SPRED1: variants seen among roughly 807,000 people sequenced by gnomAD.
SPRED1 encodes sprouty-related, EVH1 domain-containing protein 1.
A neutral mutation model predicts 52.3 loss-of-function variants in SPRED1; 18 were observed. That is an observed-to-expected ratio of 0.34 (90% CI 0.24 to 0.51). SPRED1 has a LOEUF of 0.51. Among genes scored for constraint, SPRED1 ranks in the 20% least tolerant of loss-of-function variants. The pLI, the probability that SPRED1 is intolerant of heterozygous loss-of-function variation, is 0.97. For synonymous variants in SPRED1, 155 were observed against 179.7 expected (o/e 0.86, Z 1.10); for missense variants, 485 against 551.0 (o/e 0.88, Z 1.20).
At chr15:38,314,009 AC>A in intron 2 of SPRED1, among the ~76,000 whole-genome samples, 1 of 151,980 alleles carries the variant, frequency 6.6e-6, no homozygotes, top group South Asian at 2.1e-4. Context: ...TTTCAAAAGA[AC>A]AGGTATTTTA....
chr15:38,264,083 T>C (rs1234179579), intron 1 of SPRED1, among the ~76,000 whole-genome samples: 1 of 152,212 alleles, frequency 6.6e-6, no homozygotes, highest in Admixed American at 6.5e-5. Flanking sequence ...AGGAATGGCA[T>C]AATGGATGGA....
chr15:38,318,800 A>G (rs1402285712), intron 2 of SPRED1, among the ~76,000 whole-genome samples: 1 of 152,122 alleles, frequency 6.6e-6, no homozygotes, highest in East Asian at 1.9e-4. Context: ...ATCCCATGGT[A>G]TATGTTTTAT....
chr15:38,293,074 T>C (rs1418470141), intron 1 of SPRED1, among the ~76,000 whole-genome samples: 1 of 144,822 alleles, frequency 6.9e-6, no homozygotes, highest in African/African-American at 2.5e-5. Context: ...TATAGAGAGC[T>C]TAAGTAATTT....
chr15:38,301,441 T>A (rs1895147870), intron 2 of SPRED1, among the ~76,000 whole-genome samples: 2 of 152,174 alleles, frequency 1.3e-5, no homozygotes, highest in African/African-American at 4.8e-5. Context: ...AGGAAGCTTG[T>A]TACTTGTGAA....
At chr15:38,301,124 G>GA (rs964444737) in intron 2 of SPRED1, among the ~76,000 whole-genome samples, 1 of 152,092 alleles carries the variant, frequency 6.6e-6, no homozygotes, top group African/African-American at 2.4e-5. Context: ...CAGAATATTG[G>GA]ATATAGTAGA....
chr15:38,325,285 T>A (rs1895692143), intron 4 of SPRED1, among the ~76,000 whole-genome samples: 1 of 152,224 alleles, frequency 6.6e-6, no homozygotes, highest in Non-Finnish European at 1.5e-5. Context: ...ACCTTCAGCC[T>A]GTGTGTTATA....
intron 1 of SPRED1, among the ~76,000 whole-genome samples, chr15:38,276,249 G>A (rs1894550512): frequency 6.8e-6 from 1 of 146,468 alleles, no homozygotes. Context: ...TTTTTCCCTA[G>A]ATACATATTT....
chr15:38,257,106 T>G (rs1439272965), intron 1 of SPRED1, among the ~76,000 whole-genome samples: 1 of 152,176 alleles, frequency 6.6e-6, no homozygotes, highest in South Asian at 2.1e-4. Flanking sequence ...TTACAAACTT[T>G]TGTAAATTTG....
chr15:38,259,907 G>A (rs1238002776), intron 1 of SPRED1, among the ~76,000 whole-genome samples: 1 of 152,174 alleles, frequency 6.6e-6, no homozygotes, highest in Non-Finnish European at 1.5e-5. Context: ...ATGAAAAACA[G>A]TTCATTAATA....
chr15:38,328,692 A>G (rs959155158), intron 4 of SPRED1, among the ~76,000 whole-genome samples: 5 of 152,078 alleles, frequency 3.3e-5, no homozygotes, highest in Non-Finnish European at 7.4e-5. Context: ...TTCTTTGACT[A>G]TTTTAATGAG....
Position 38,322,142 on chromosome 15 carries a change from A to G in SPRED1, c.208-99A>G, listed in dbSNP as rs1324146095. 1.3e-5 allele frequency: 15 copies of G among 1,168,334 alleles called. No individual in the cohort carries two copies. The African/African-American group carries it at 2.2e-4, about 17-fold the overall frequency. The allele number at this position is 1,168,334 out of a possible 1,614,324, so 72.4% of individuals were successfully genotyped here. On this transcript the variant is annotated intron_variant, in intron 2 of 6. Coordinates refer to ENST00000299084, the MANE Select transcript of SPRED1 (RefSeq NM_152594.3). Reference sequence around the variant, plus strand: ...TTTAAAATACTAAAAATTATTCATTAAAAAGTAATAGCGTTGTATCACCTC... The same window carrying G: ...TTTAAAATACTAAAAATTATTCATTGAAAAGTAATAGCGTTGTATCACCTC...
intron 1 of SPRED1, among the ~76,000 whole-genome samples, chr15:38,296,983 G>A (rs982522238): frequency 3.3e-5 from 5 of 152,102 alleles, no homozygotes; most frequent in African/African-American, 1.2e-4. Flanking sequence ...TAAGGACACA[G>A]CATTCCTCCC....
Position 38,351,235 on chromosome 15 carries a change from A to C in SPRED1, c.906A>C (p.Leu302Phe). The C allele has an allele frequency of 6.2e-7, 1 of 1,614,134 alleles. No homozygotes were observed. The highest frequency in any genetic ancestry group is 8.5e-7 in the Non-Finnish European group (1 of 1,180,018). Residue 302 changes from leucine to phenylalanine, a missense_variant, in exon 7 of 7, where the codon TTA becomes TTC. This residue lies in a region of SPRED1 where 205 missense variants were observed against 245.2 expected (regional missense o/e 0.84). Coordinates refer to ENST00000299084, the MANE Select transcript of SPRED1 (RefSeq NM_152594.3). ...YLYSCGDETK[L>F]SSPKDSVVFK... ...ACTCTTGTGGGGATGAGACTAAGTT[A>C]AGTTCACCCAAAGACTCTGTGGTAT...
At position 38,339,902 on chromosome 15, in the gene SPRED1, A is replaced by C; in HGVS notation, c.582+7A>C. The C allele has an allele frequency of 1.2e-6, 2 of 1,613,802 alleles. No homozygotes were observed. The highest frequency in any genetic ancestry group is 8.5e-7 in the Non-Finnish European group (1 of 1,179,842). On this transcript the variant is annotated splice_region_variant and intron_variant, in intron 5 of 6. Transcript: ENST00000299084. ...GCAAAGCCAAGCCAATCAGGTAAGAAGATAAAATATTTTTTCGGCGCGTTG... is the reference window on the plus strand; with the variant it reads ...GCAAAGCCAAGCCAATCAGGTAAGACGATAAAATATTTTTTCGGCGCGTTG...
intron 4 of SPRED1, among the ~76,000 whole-genome samples, chr15:38,328,051 A>G (rs1299464196): frequency 6.6e-6 from 1 of 152,208 alleles, no homozygotes; most frequent in Non-Finnish European, 1.5e-5. Flanking sequence ...TGATTTATCT[A>G]GCTACTTTAT....
intron 5 of SPRED1, among the ~76,000 whole-genome samples, chr15:38,343,792 G>C (rs1002992687): frequency 1.3e-5 from 2 of 152,072 alleles, no homozygotes; most frequent in African/African-American, 4.8e-5. Flanking sequence ...CCTATTATGT[G>C]CTAGATACTG....
intron 1 of SPRED1, among the ~76,000 whole-genome samples, chr15:38,273,519 TAATATATATATATATATATATA>T (rs1221060545): frequency 0.014 from 1,614 of 112,978 alleles, 33 homozygotes; most frequent in African/African-American, 0.044. Context: ...TATGTATTAT[TAATATATATATATATATATATA>T]TATATATATA....
At chr15:38,256,835 A>G (rs1390311444) in intron 1 of SPRED1, among the ~76,000 whole-genome samples, 1 of 152,160 alleles carries the variant, frequency 6.6e-6, no homozygotes, top group Non-Finnish European at 1.5e-5. Flanking sequence ...ATATATATAT[A>G]TAAAATTGGA....
chr15:38,291,606 A>G (rs760460083), intron 1 of SPRED1, among the ~76,000 whole-genome samples: 26 of 152,356 alleles, frequency 1.7e-4, no homozygotes, highest in African/African-American at 5.5e-4. Context: ...CCAAACTTCA[A>G]TTCTTGACTT....
Sources: allele counts gnomAD v4.1 joint callset (sites outside exome capture counted in the v4.1 genomes callset), GRCh38; gene constraint gnomAD v4.1.1; regional missense constraint gnomAD v4.1.1; transcripts MANE v1.5; gene names NCBI Gene and HGNC (gene_info 2026-07-23, HGNC 2026-07-21).